FAM184B: variants seen among roughly 807,000 people sequenced by gnomAD.
The protein encoded by FAM184B is family with sequence similarity 184 member B.
A neutral mutation model predicts 135.9 loss-of-function variants in FAM184B; 111 were observed. The observed-to-expected ratio is 0.82, with a 90% CI of 0.70 to 0.96. FAM184B has a LOEUF of 0.96. Ranked by LOEUF, FAM184B falls within the 40% of genes least tolerant of loss-of-function variation. FAM184B has a pLI of 0.00. For missense variants in FAM184B, 1,375 were observed against 1,323.9 expected (o/e 1.04, Z -0.60); for synonymous variants, 552 against 524.8 (o/e 1.05, Z -0.71).
chr4:17,740,777 C>T (rs1015706737), intron 1 of FAM184B, among the ~76,000 whole-genome samples: 3 of 152,300 alleles, frequency 2.0e-5, no homozygotes, highest in South Asian at 2.1e-4. Flanking sequence ...CCCCCAAGTG[C>T]TTTGTATCAT....
chr4:17,702,497 C>T (rs112680103), intron 5 of FAM184B, among the ~76,000 whole-genome samples: 22 of 152,256 alleles, frequency 1.4e-4, no homozygotes, highest in African/African-American at 5.3e-4. Flanking sequence ...TTAGGATACA[C>T]AGTATACCTG....
chr4:17,643,196 G>A (rs1391176550), intron 12 of FAM184B, among the ~76,000 whole-genome samples: 2 of 152,224 alleles, frequency 1.3e-5, no homozygotes, highest in African/African-American at 2.4e-5. Context: ...GTCTCTGGGT[G>A]GGAGAGATAT....
At chr4:17,681,144 A>G (rs1227213842) in intron 7 of FAM184B, among the ~76,000 whole-genome samples, 1 of 152,234 alleles carries the variant, frequency 6.6e-6, no homozygotes, top group African/African-American at 2.4e-5. Context: ...CCACTGTTTT[A>G]CTAACAAGAA....
At chr4:17,640,811 T>C (rs959698005) in intron 13 of FAM184B, among the ~76,000 whole-genome samples, 1 of 152,206 alleles carries the variant, frequency 6.6e-6, no homozygotes, top group Non-Finnish European at 1.5e-5. Flanking sequence ...GAGTTCAGGA[T>C]TGATGATAGG....
intron 1 of FAM184B, among the ~76,000 whole-genome samples, chr4:17,758,361 C>T (rs1328012292): frequency 1.3e-5 from 2 of 152,154 alleles, no homozygotes; most frequent in African/African-American, 2.4e-5. Flanking sequence ...TCAATATTGG[C>T]AGAAAGTTCA....
At chr4:17,740,094 A>G (rs1459792858) in intron 1 of FAM184B, among the ~76,000 whole-genome samples, 1 of 152,084 alleles carries the variant, frequency 6.6e-6, no homozygotes, top group Admixed American at 6.6e-5. Context: ...GTTCACGCCT[A>G]TAATTCTAGC....
At chr4:17,654,985 G>A (rs1046072735) in intron 10 of FAM184B, among the ~76,000 whole-genome samples, 32 of 152,228 alleles carry the variant, frequency 2.1e-4, no homozygotes, top group African/African-American at 7.2e-4. Context: ...TTGAGTAGCT[G>A]AGACCACAGA....
intron 11 of FAM184B, among the ~76,000 whole-genome samples, chr4:17,650,284 G>A (rs891315824): frequency 3.3e-5 from 5 of 152,158 alleles, no homozygotes; most frequent in African/African-American, 1.2e-4. Flanking sequence ...AGTATTGCAG[G>A]TCAGTTGTGT....
rs1715337226 is a variant in FAM184B, at chr4:17,642,076, C to T, written c.2499G>A (p.Gln833=). Residue 833 remains glutamine, a synonymous_variant, in exon 13 of 18, where the codon CAG becomes CAA. Transcript: ENST00000265018. ...CCCACCTGCGCTGGTCTCGGAGCTT[C>T]TGCGCCTCCTGCTGATGCTGCTCCA... ...AEVEQHQQEA[Q]KLRDQRRFLE... The T allele has an allele frequency of 2.0e-6, 3 of 1,531,706 alleles. No individual in the cohort carries two copies. The highest frequency in any genetic ancestry group is 2.6e-6 in the Non-Finnish European group (3 of 1,145,052). 94.9% of individuals were successfully genotyped at this position (1,531,706 alleles called of 1,614,324 possible). A position where few individuals can be genotyped will look rare whatever the true frequency, so the allele number is the denominator to read the frequency against.
chr4:17,629,485 T>C lies in FAM184B; in HGVS notation c.*3047A>G, dbSNP rs930023328. On this transcript the variant is annotated 3_prime_UTR_variant, in exon 18 of 18. Coordinates refer to ENST00000265018, the MANE Select transcript of FAM184B (RefSeq NM_015688.2). ...GGCTCAGGTATGTGGTGTGCAGCCA[T>C]TGACTGGGTGAATCCATTTTTACCT... 1 of 152,224 alleles carries C rather than the reference T, an allele frequency of 6.6e-6. No homozygotes were observed. Among genetic ancestry groups the C allele is most frequent in the African/African-American group, 2.4e-5 (1 of 41,460 alleles). 9.4% of individuals were successfully genotyped at this position (152,224 alleles called of 1,614,324 possible). A position where few individuals can be genotyped will look rare whatever the true frequency, so the allele number is the denominator to read the frequency against.
At position 17,697,540 on chromosome 4, in the gene FAM184B, C is replaced by A. The variant is rs540783486; in HGVS notation, c.1378-4128G>T. 3.9e-5 allele frequency among the ~76,000 whole-genome samples: 6 copies of A among 152,324 alleles called. No homozygotes were observed. The East Asian group carries it at 9.6e-4, about 24-fold the overall frequency. Reference sequence around the variant, plus strand: ...ATGTAAATTCTCCTTTGGTTTCAAACAAGTTCAGGTAACTTAAGCAATCAT... The same window carrying A: ...ATGTAAATTCTCCTTTGGTTTCAAAAAAGTTCAGGTAACTTAAGCAATCAT... On this transcript the variant is annotated intron_variant, in intron 5 of 17. Coordinates refer to ENST00000265018, the MANE Select transcript of FAM184B (RefSeq NM_015688.2).
intron 1 of FAM184B, among the ~76,000 whole-genome samples, chr4:17,728,120 TA>T (rs964121547): frequency 6.0e-5 from 9 of 151,082 alleles, no homozygotes; most frequent in East Asian, 1.9e-4. Flanking sequence ...TCTACAAAAT[TA>T]AAAAAAAATT....
At chr4:17,771,736 T>C (rs6854372) in intron 1 of FAM184B, among the ~76,000 whole-genome samples, 14,549 of 152,204 alleles carry the variant, frequency 0.096, 2,286 homozygotes, top group African/African-American at 0.33. Flanking sequence ...AGCACTGCCC[T>C]GGCCTCTCAG....
intron 5 of FAM184B, among the ~76,000 whole-genome samples, chr4:17,697,916 T>A (rs767852710): frequency 3.3e-5 from 5 of 152,184 alleles, no homozygotes; most frequent in Admixed American, 1.3e-4. Flanking sequence ...TTGGCATTAC[T>A]AAGCTTCATG....
intron 1 of FAM184B, among the ~76,000 whole-genome samples, chr4:17,749,951 A>G (rs991671959): frequency 6.6e-6 from 1 of 152,230 alleles, no homozygotes; most frequent in Admixed American, 6.5e-5. Context: ...CTTAACACCA[A>G]TATAAAATTC....
At position 17,738,183 on chromosome 4, in the gene FAM184B, A is replaced by G. The variant is rs76769772; in HGVS notation, c.142-28539T>C. Among the ~76,000 whole-genome samples, 1,177 of 152,154 alleles carry G rather than the reference A, an allele frequency of 7.7e-3. 17 individuals are homozygous for G. The highest frequency in any genetic ancestry group is 0.026 in the African/African-American group (1,095 of 41,530). Reference sequence around the variant, plus strand: ...CCAAGCCAAGCAGTCCTTCTTGGGAATTTATTCATTGGGATGGGAGAGAAT... The same window carrying G: ...CCAAGCCAAGCAGTCCTTCTTGGGAGTTTATTCATTGGGATGGGAGAGAAT... On this transcript the variant is annotated intron_variant, in intron 1 of 17. Transcript: ENST00000265018.
intron 1 of FAM184B, among the ~76,000 whole-genome samples, chr4:17,733,651 T>C (rs1717837681): frequency 6.6e-6 from 1 of 152,094 alleles, no homozygotes; most frequent in Non-Finnish European, 1.5e-5. Context: ...CAAGGAGAAC[T>C]ACAAACCACT....
chr4:17,736,942 C>T (rs999454962), intron 1 of FAM184B, among the ~76,000 whole-genome samples: 3 of 152,054 alleles, frequency 2.0e-5, no homozygotes, highest in Admixed American at 6.6e-5. Flanking sequence ...GTCAGGAGTT[C>T]GAGACCAGCC....
chr4:17,760,529 A>G (rs1718523213), intron 1 of FAM184B, among the ~76,000 whole-genome samples: 3 of 152,130 alleles, frequency 2.0e-5, no homozygotes, highest in Admixed American at 2.0e-4. Flanking sequence ...GAAATTCTAC[A>G]GAAGTGAAGG....
Sources: gnomAD v4.1 joint callset for allele counts (sites outside exome capture counted in the v4.1 genomes callset) on GRCh38, gnomAD v4.1.1 for gene constraint, MANE v1.5 for transcripts, NCBI Gene and HGNC (gene_info 2026-07-23, HGNC 2026-07-21) for gene names.